The following LPXN variants were observed in gnomAD, a reference collection of about 807,000 sequenced individuals.
The protein encoded by LPXN is leupaxin.
Under a neutral mutation model 45.6 loss-of-function variants are expected in LPXN, and 28 were observed. That is an observed-to-expected ratio of 0.61 (90% confidence interval 0.45 to 0.84). LPXN has a LOEUF of 0.84. Among genes scored for constraint, LPXN ranks in the 40% least tolerant of loss-of-function variants. The pLI, the probability that LPXN is intolerant of heterozygous loss-of-function variation, is 0.00. For synonymous variants in LPXN, 166 were observed against 169.9 expected (o/e 0.98, Z 0.18); for missense variants, 459 against 475.0 (o/e 0.97, Z 0.31).
At chr11:58,529,393 G>A (rs1240150953) in intron 7 of LPXN, among the ~76,000 whole-genome samples, 1 of 151,952 alleles carries the variant, frequency 6.6e-6, no homozygotes, top group African/African-American at 2.4e-5. Flanking sequence ...GGTGGATCAC[G>A]AGGTCAGGAG....
In LPXN at chr11:58,551,350, C is replaced by T. The variant is rs960352355; in HGVS notation, c.319-118G>A. On this transcript the variant is annotated intron_variant, in intron 4 of 8. Coordinates refer to ENST00000395074, the MANE Select transcript of LPXN (RefSeq NM_004811.3). ...GATCTCTTGGCCTTTCCCCAACCTTCCTGCAAGACATTGGAAAAATCTAAA... is the reference window on the plus strand; with the variant it reads ...GATCTCTTGGCCTTTCCCCAACCTTTCTGCAAGACATTGGAAAAATCTAAA... 17 of 754,620 alleles carry T rather than the reference C, an allele frequency of 2.3e-5. No homozygotes were observed. The African/African-American group carries it at 3.1e-4, about 14-fold the overall frequency. The allele number at this position is 754,620 out of a possible 1,614,324, so 46.7% of individuals were successfully genotyped here. A position where few individuals can be genotyped will look rare whatever the true frequency, so the allele number is the denominator to read the frequency against.
chr11:58,566,040 C>T (rs929357835), intron 2 of LPXN, among the ~76,000 whole-genome samples: 5 of 152,126 alleles, frequency 3.3e-5, no homozygotes, highest in African/African-American at 1.2e-4. Context: ...TTTAATGGTA[C>T]AGACAATTAT....
At chr11:58,569,147 G>A (rs7115061) in intron 2 of LPXN, among the ~76,000 whole-genome samples, 8,041 of 152,286 alleles carry the variant, frequency 0.053, 291 homozygotes, top group Middle Eastern at 0.078. Flanking sequence ...TCAGGTCTGT[G>A]CTTCTGGCTA....
intron 7 of LPXN, among the ~76,000 whole-genome samples, chr11:58,540,065 C>T (rs924893179): frequency 3.9e-5 from 6 of 152,030 alleles, no homozygotes; most frequent in African/African-American, 1.2e-4. Context: ...CCACCTGAAA[C>T]CTATTCTTGT....
chr11:58,573,075 G>A (rs565517835), intron 1 of LPXN, among the ~76,000 whole-genome samples: 1 of 152,000 alleles, frequency 6.6e-6, no homozygotes, highest in South Asian at 2.1e-4. Context: ...GAGAAAACCC[G>A]TCTCTACTAA....
At chr11:58,569,644 C>G (rs1854625508) in intron 2 of LPXN, among the ~76,000 whole-genome samples, 1 of 152,108 alleles carries the variant, frequency 6.6e-6, no homozygotes, top group African/African-American at 2.4e-5. Context: ...CCCGCCTCAG[C>G]CTTCCAAAGT....
chr11:58,565,211 C>T (rs997884524), intron 2 of LPXN, among the ~76,000 whole-genome samples: 15 of 151,954 alleles, frequency 9.9e-5, no homozygotes, highest in South Asian at 2.1e-4. Context: ...CCGAGGCAGA[C>T]GGGTCACGAG....
At chr11:58,540,690 G>A (rs1285866187) in intron 7 of LPXN, among the ~76,000 whole-genome samples, 1 of 152,096 alleles carries the variant, frequency 6.6e-6, no homozygotes, top group African/African-American at 2.4e-5. Context: ...GCAATTTGTT[G>A]AGGTATAAGA....
intron 7 of LPXN, among the ~76,000 whole-genome samples, chr11:58,532,226 C>T (rs1853412203): frequency 2.6e-5 from 4 of 152,334 alleles, no homozygotes; most frequent in Admixed American, 2.6e-4. Flanking sequence ...TGCCCGAGAC[C>T]CCCACAGTGG....
chr11:58,546,657 C>T (rs565103639), intron 7 of LPXN, among the ~76,000 whole-genome samples: 26 of 152,224 alleles, frequency 1.7e-4, no homozygotes, highest in African/African-American at 6.0e-4. Context: ...TCAAGTCTAC[C>T]AGTCAACAAT....
Position 58,575,742 on chromosome 11 carries a change from C to T in LPXN, c.13+18G>A. 6.2e-7 allele frequency: 1 copy of T among 1,614,154 alleles called. No individual in the cohort carries two copies. The highest frequency in any genetic ancestry group is 1.1e-5 in the South Asian group (1 of 91,082). The stretch of plus-strand genomic sequence containing the variant: ...AGTCTTCACTCCCTCAGAGTTTCTC[C>T]TCAGGCTCCTCACTCACCTAACTCT... On this transcript the variant is annotated intron_variant, in intron 1 of 8. Coordinates refer to ENST00000395074, the MANE Select transcript of LPXN (RefSeq NM_004811.3).
At chr11:58,563,595 T>C (rs145673156) in intron 3 of LPXN, among the ~76,000 whole-genome samples, 1 of 152,390 alleles carries the variant, frequency 6.6e-6, no homozygotes, top group African/African-American at 2.4e-5. Flanking sequence ...TTGTTATTTT[T>C]TCAGACTGCC....
chr11:58,578,706 GCTC>G (rs1026769174), upstream of LPXN, among the ~76,000 whole-genome samples: 31 of 152,130 alleles, frequency 2.0e-4, no homozygotes, highest in African/African-American at 6.5e-4. Context: ...GGTATCAGTG[GCTC>G]CTCAGGGAGG....
At chr11:58,571,005 A>G (rs1337558944) in intron 1 of LPXN, among the ~76,000 whole-genome samples, 1 of 152,170 alleles carries the variant, frequency 6.6e-6, no homozygotes, top group Non-Finnish European at 1.5e-5. Context: ...AATTTTCATC[A>G]TTCATTTAGG....
chr11:58,563,060 G>T (rs1387764111), intron 3 of LPXN, among the ~76,000 whole-genome samples: 1 of 152,204 alleles, frequency 6.6e-6, no homozygotes, highest in African/African-American at 2.4e-5. Flanking sequence ...CACAGTGCCA[G>T]ATATACAGGC....
At chr11:58,561,690 T>C (rs2120354605) in intron 3 of LPXN, among the ~76,000 whole-genome samples, 1 of 152,356 alleles carries the variant, frequency 6.6e-6, no homozygotes, top group African/African-American at 2.4e-5. Flanking sequence ...GCAGGGCTTG[T>C]ATATTCCTAA....
intron 7 of LPXN, among the ~76,000 whole-genome samples, chr11:58,534,722 T>G (rs1417441402): frequency 6.6e-6 from 1 of 152,018 alleles, no homozygotes; most frequent in African/African-American, 2.4e-5. Flanking sequence ...AAACAATCAA[T>G]GAATCCCGGA....
intron 7 of LPXN, among the ~76,000 whole-genome samples, chr11:58,531,893 A>G (rs61889473): frequency 0.05 from 7,667 of 152,210 alleles, 271 homozygotes; most frequent in Non-Finnish European, 0.073. Flanking sequence ...TGGGAGCCCC[A>G]CTCTGGGCTG....
chr11:58,572,208 T>TAA (rs886625005), intron 1 of LPXN, among the ~76,000 whole-genome samples: 1 of 146,878 alleles, frequency 6.8e-6, no homozygotes, highest in East Asian at 2.0e-4. Flanking sequence ...CACAGGTCAT[T>TAA]AAAAAAAAAA....
Sources: allele counts gnomAD v4.1 joint callset (sites outside exome capture counted in the v4.1 genomes callset), GRCh38; gene constraint gnomAD v4.1.1; transcripts MANE v1.5; gene names NCBI Gene and HGNC (gene_info 2026-07-23, HGNC 2026-07-21).